The following VSIG4 variants were observed in gnomAD, a reference collection of about 807,000 sequenced individuals.
The protein encoded by VSIG4 is V-set and immunoglobulin domain containing 4.
VSIG4 carries 34 observed loss-of-function variants against 23.4 expected under a neutral mutation model. The ratio of observed to expected loss-of-function variants is 1.45; its 90% CI spans 1.10 to 1.93. The LOEUF (loss-of-function observed/expected upper bound fraction) is 1.93. VSIG4 is among the 30% of genes most tolerant of loss of function. The pLI is 0.00. For missense variants in VSIG4, 433 were observed against 310.8 expected (o/e 1.39, Z -2.96); for synonymous variants, 169 against 120.3 (o/e 1.41, Z -2.65).
At chrX:66,037,634 T>G (rs1267783273) in intron 1 of VSIG4, among the ~76,000 whole-genome samples, 2 of 83,396 alleles carry the variant, frequency 2.4e-5, no homozygotes, top group African/African-American at 9.3e-5. Context: ...ATATATAATA[T>G]ATAATAATTA....
intron 2 of VSIG4, 63 bp downstream of exon 2, chrX:66,033,411 T>C: frequency 9.6e-7 from 1 of 1,045,764 alleles, no homozygotes; most frequent in Non-Finnish European, 1.3e-6. Flanking sequence ...CAGGCTTTTC[T>C]AGAATTACAT....
At chrX:66,037,750 A>G (rs753429469) in intron 1 of VSIG4, among the ~76,000 whole-genome samples, 1 of 55,382 alleles carries the variant, frequency 1.8e-5, no homozygotes, top group Non-Finnish European at 2.9e-5. Context: ...TAAACTTATT[A>G]CTGATACGTA....
chrX:66,031,497 T>C (rs2085463633), intron 3 of VSIG4, among the ~76,000 whole-genome samples: 1 of 110,431 alleles, frequency 9.1e-6, no homozygotes, highest in Non-Finnish European at 1.9e-5. Context: ...ATCAGTCTCC[T>C]AGCCCAAATG....
At chrX:66,032,992 C>A (rs750988390) in intron 2 of VSIG4, among the ~76,000 whole-genome samples, 48 of 111,334 alleles carry the variant, frequency 4.3e-4, no homozygotes, top group African/African-American at 1.5e-3. Flanking sequence ...ATCAACTGAC[C>A]TTTAAAATTA....
At chrX:66,030,655 G>T (rs2085453998) in intron 3 of VSIG4, among the ~76,000 whole-genome samples, 1 of 110,972 alleles carries the variant, frequency 9.0e-6, no homozygotes, top group Admixed American at 9.6e-5. Flanking sequence ...TACAGAGGAA[G>T]GAAGTTACCT....
chrX:66,024,675 A>G (rs1023991753), intron 6 of VSIG4, among the ~76,000 whole-genome samples: 1 of 111,776 alleles, frequency 8.9e-6, no homozygotes, highest in Non-Finnish European at 1.9e-5. Context: ...CTCTATTGCT[A>G]TGTATTGTCA....
chrX:66,034,603 A>G (rs1319247165), intron 1 of VSIG4, among the ~76,000 whole-genome samples: 1 of 111,119 alleles, frequency 9.0e-6, no homozygotes. Context: ...CTTAGCAAGG[A>G]TACATAGGAA....
chrX:66,029,097 T>C (rs9887348), intron 3 of VSIG4, among the ~76,000 whole-genome samples: 37,545 of 110,053 alleles, frequency 0.34, 8,337 homozygotes, highest in African/African-American at 0.82. Context: ...ACCATAAGCT[T>C]CTCCCTCTTG....
At chrX:66,037,970 T>G (rs1189249225) in intron 1 of VSIG4, among the ~76,000 whole-genome samples, 2 of 108,935 alleles carry the variant, frequency 1.8e-5, no homozygotes, top group Non-Finnish European at 3.8e-5. Context: ...CTTCCTCCCA[T>G]CATCACAAAG....
chrX:66,023,442 C>A (rs1191228200), intron 6 of VSIG4, among the ~76,000 whole-genome samples: 2 of 111,768 alleles, frequency 1.8e-5, no homozygotes, highest in African/African-American at 6.5e-5. Context: ...TTTGTACTGC[C>A]CTCTAGGTGC....
rs927728287 is a variant in VSIG4 at position 66,027,314 on chromosome X, C to T, written c.835+135G>A. 1.7e-4 allele frequency: 97 copies of T among 557,231 alleles called. 1 individual carries two copies. In the South Asian group the frequency reaches 2.7e-3, roughly 15 times the overall value. The allele number at this position is 557,231 out of a possible 1,213,427, so 45.9% of individuals were successfully genotyped here. ...ACCCACTTTACCCATCCTCAGTGCC[C>T]TTGACCATTGCTTGGCACATAGCAG... On this transcript the variant is annotated intron_variant, in intron 5 of 7. Transcript: ENST00000374737.
chrX:66,028,566 T>A (rs938818394), intron 3 of VSIG4, among the ~76,000 whole-genome samples: 4 of 101,178 alleles, frequency 4.0e-5, no homozygotes, highest in African/African-American at 1.4e-4. Context: ...AACTTTTTTT[T>A]TTTTTTTTTT....
chrX:66,027,920 T>C (rs1444128894), intron 4 of VSIG4, 130 bp downstream of exon 4: 23 of 585,048 alleles, frequency 3.9e-5, no homozygotes, highest in Middle Eastern at 5.1e-4. Context: ...TCCATTCCTT[T>C]ACTGCTATGT....
intron 7 of VSIG4, 111 bp from the exon 8 acceptor site, chrX:66,022,611 G>C (rs1351894738): frequency 8.8e-7 from 1 of 1,141,000 alleles, no homozygotes; most frequent in African/African-American, 1.8e-5. Flanking sequence ...CTACCACCCA[G>C]GGATTCTGGA....
In VSIG4 at chrX:66,036,123, CCT is replaced by C. The variant is rs780131747; in HGVS notation, c.56-2295_56-2294del. 5.9e-4 allele frequency among the ~76,000 whole-genome samples: 66 copies of C among 111,112 alleles called. 2 individuals are homozygous for C. The highest frequency in any genetic ancestry group is 1.2e-3 in the Non-Finnish European group (63 of 52,981). Reference sequence around the variant, plus strand: ...CTTCCCAAAATGGCATGTTTTTTCCCCTTTTACTTTTTTTTTCCTCTCCCTTC... The same window carrying C: ...CTTCCCAAAATGGCATGTTTTTTCCCTTTACTTTTTTTTTCCTCTCCCTTC... On this transcript the variant is annotated intron_variant, in intron 1 of 7. Transcript: ENST00000374737.
At position 66,022,242 on chromosome X, in the gene VSIG4, T is replaced by A; in HGVS notation, c.*21A>T. ...CTGACTAGGCAATTATGTCAGCAGA[T>A]CCTGGCCTAATGGGGCATTTTTAAC... On this transcript the variant is annotated 3_prime_UTR_variant, in exon 8 of 8. Transcript: ENST00000374737. 2 of 1,211,870 alleles carry A rather than the reference T, an allele frequency of 1.7e-6. No homozygotes were observed. The highest frequency in any genetic ancestry group is 3.5e-5 in the South Asian group (2 of 57,003).
Position 66,022,490 on chromosome X carries a change from T to A in VSIG4, c.973A>T (p.Arg325Ter), listed in dbSNP as rs140202992. 2.6e-4 allele frequency: 309 copies of A among 1,210,395 alleles called. No homozygotes were observed. The highest frequency in any genetic ancestry group is 3.3e-4 in the Non-Finnish European group (291 of 895,283). The change falls in exon 8 of 8, where the codon AGA becomes TGA. Residue 325 changes from arginine to a stop codon, truncating the protein, a stop_gained. Transcript: ENST00000374737. LOFTEE classifies it low-confidence loss of function (END_TRUNC). ...HVYEAARAHA[R>*]EANDSGETMR... is the part of the protein sequence containing the mutation. ...GTTTCTCCAGAGTCGTTGGCCTCTC[T>A]GGCATGTGCCCTATGGCCCAAGAGC...
In VSIG4 at chrX:66,022,499, C is replaced by T. The variant is rs1260884497; in HGVS notation, c.964G>A (p.Ala322Thr). Reference protein sequence around the residue: ...QQEHVYEAARAHAREANDSGE... With the variant: ...QQEHVYEAARTHAREANDSGE... ...GAGTCGTTGGCCTCTCTGGCATGTGCCCTATGGCCCAAGAGCCCACCACCC... is the reference window on the plus strand; with the variant it reads ...GAGTCGTTGGCCTCTCTGGCATGTGTCCTATGGCCCAAGAGCCCACCACCC... The change falls in exon 8 of 8, where the codon GCA becomes ACA. Residue 322 changes from alanine to threonine, a missense_variant and splice_region_variant. Physicochemically the swap from Ala to Thr is moderately conservative, Grantham distance 58. Coordinates refer to ENST00000374737, the MANE Select transcript of VSIG4 (RefSeq NM_007268.3). 3 of 1,210,826 alleles carry T rather than the reference C, an allele frequency of 2.5e-6. No homozygotes were observed. Among genetic ancestry groups the T allele is most frequent in the Admixed American group, 2.2e-5 (1 of 46,101 alleles).
chrX:66,033,928 G>A lies in VSIG4; in HGVS notation c.56-98C>T, dbSNP rs1001269476. ...AAACCTCAAAAGGTTTCTGAGAAATGCCACTCAACTTTCTTTCTATCACAC... is the reference window on the plus strand; with the variant it reads ...AAACCTCAAAAGGTTTCTGAGAAATACCACTCAACTTTCTTTCTATCACAC... On this transcript the variant is annotated intron_variant, in intron 1 of 7. Coordinates refer to ENST00000374737, the MANE Select transcript of VSIG4 (RefSeq NM_007268.3). 1.8e-5 allele frequency: 12 copies of A among 662,609 alleles called. 1 individual carries two copies. Among genetic ancestry groups the A allele is most frequent in the African/African-American group, 6.7e-5 (3 of 44,681 alleles). The allele number at this position is 662,609 out of a possible 1,213,427, so 54.6% of individuals were successfully genotyped here.
Sources: gnomAD v4.1 joint callset for allele counts (sites outside exome capture counted in the v4.1 genomes callset) on GRCh38, gnomAD v4.1.1 for gene constraint, MANE v1.5 for transcripts, NCBI Gene and HGNC (gene_info 2026-07-23, HGNC 2026-07-21) for gene names.